The following ABCA7 variants were observed in gnomAD, a reference collection of about 807,000 sequenced individuals.
The protein encoded by ABCA7 is ATP binding cassette subfamily A member 7.
Under a neutral mutation model 227.6 loss-of-function variants are expected in ABCA7, and 261 were observed. The observed-to-expected ratio is 1.15, with a 90% confidence interval of 1.04 to 1.27. The LOEUF (loss-of-function observed/expected upper bound fraction) is 1.27, where lower values mean the gene tolerates loss of function less well. Ranked by LOEUF, ABCA7 falls within the 50% of genes most tolerant of loss-of-function variation. The pLI is 0.00. For missense variants in ABCA7, 3,331 were observed against 2,924.5 expected (o/e 1.14, Z -3.21); for synonymous variants, 1,488 against 1,279.7 (o/e 1.16, Z -3.47).
At position 1,049,474 on chromosome 19, in the gene ABCA7, CACTCCCACCCCGTGAGCCCCCCCA is replaced by C. The variant is rs1568306483; in HGVS notation, c.2552+38_2552+61del. On this transcript the variant is annotated intron_variant, in intron 18 of 46. Coordinates refer to ENST00000263094, the MANE Select transcript of ABCA7 (RefSeq NM_019112.4). ...ACCACTCCCTCCCCGTGAGCCCCCC[CACTCCCACCCCGTGAGCCCCCCCA>C]CCACTCCCTCCCCGTGAGCCCCCCA... The C allele has an allele frequency of 4.9e-6, 3 of 615,752 alleles. 1 individual carries two copies. Among genetic ancestry groups the C allele is most frequent in the Non-Finnish European group, 6.3e-6 (3 of 473,340 alleles). The allele number at this position is 615,752 out of a possible 1,614,324, so 38.1% of individuals were successfully genotyped here.
chr19:1,050,862 C>G (rs2041547563), intron 18 of ABCA7, 59 bp from the exon 19 acceptor site: 1 of 1,300,162 alleles, frequency 7.7e-7, no homozygotes, highest in Admixed American at 2.9e-5. Flanking sequence ...AAAATAGAAG[C>G]TCTGTAACTG....
At chr19:1,046,756 G>GT (rs1751651808) in intron 13 of ABCA7, 46 bp from the exon 14 acceptor site, 1 of 1,509,012 alleles carries the variant, frequency 6.6e-7, no homozygotes, top group Non-Finnish European at 8.9e-7. Context: ...CGGAGGGGGG[G>GT]TCTGCGGAGG....
In ABCA7 at chr19:1,050,820, A is replaced by AT. The variant is rs2041538931; in HGVS notation, c.2553-101_2553-100insT. The AT allele has an allele frequency of 7.1e-6, 5 of 702,176 alleles. No individual in the cohort carries two copies. In the East Asian group the frequency reaches 2.4e-4, roughly 34 times the overall value. The allele number at this position is 702,176 out of a possible 1,614,324, so 43.5% of individuals were successfully genotyped here. ...AATAATAATAATAATAATAATAATA[A>AT]ATAATTAAAAATTTTTTAAAAACAG... On this transcript the variant is annotated intron_variant, in intron 18 of 46. Coordinates refer to ENST00000263094, the MANE Select transcript of ABCA7 (RefSeq NM_019112.4).
chr19:1,062,037 G>A (rs1766379742), intron 41 of ABCA7, 135 bp from the exon 42 acceptor site: 3 of 1,464,150 alleles, frequency 2.0e-6, no homozygotes, highest in South Asian at 1.3e-5. Flanking sequence ...CCTCCCACAC[G>A]CGGACCAGGC....
In ABCA7 at chr19:1,051,936, GCCTAGGTCGCACGCTGATCCTCT is replaced by G. The variant is rs775853474; in HGVS notation, c.2963-3_2982del. 13 of 1,610,482 alleles carry G rather than the reference GCCTAGGTCGCACGCTGATCCTCT, an allele frequency of 8.1e-6. No individual in the cohort carries two copies. The South Asian group carries it at 1.4e-4, about 18-fold the overall frequency. On this transcript the variant is annotated splice_acceptor_variant and splice_polypyrimidine_tract_variant and coding_sequence_variant and intron_variant, in exon 22 of 47. Coordinates refer to ENST00000263094, the MANE Select transcript of ABCA7 (RefSeq NM_019112.4). LOFTEE classifies it high-confidence loss of function. ...TGGTAGTTGTGGGTTGGTCCCCCGT[GCCTAGGTCGCACGCTGATCCTCT>G]CCACCCACCACCTGGATGAGGCAGA... is the stretch of plus-strand genomic sequence containing the variant.
chr19:1,058,338 T>G, intron 37 of ABCA7, 69 bp downstream of exon 37: 1 of 1,577,266 alleles, frequency 6.3e-7, no homozygotes, highest in Non-Finnish European at 8.6e-7. Context: ...TAGAGTTAAT[T>G]ATACAGAGTG....
Position 1,043,185 on chromosome 19 carries a change from G to A in ABCA7, c.724G>A (p.Glu242Lys), listed in dbSNP as rs376474803. The change falls in exon 8 of 47, where the codon GAG becomes AAG. Residue 242 changes from glutamate (E) to lysine (K), a missense_variant. Physicochemically the swap from Glu to Lys is moderately conservative, Grantham distance 56. Transcript: ENST00000263094. The stretch of plus-strand genomic sequence containing the variant: ...AGTGGGCCCCTCCCTCAACTGGTAC[G>A]AGGCTAGTGACCTGATGGAGCTGGT... ...STVGPSLNWY[E>K]ASDLMELVGQ... 16 of 1,610,212 alleles carry A rather than the reference G, an allele frequency of 9.9e-6. No individual in the cohort carries two copies. The highest frequency in any genetic ancestry group is 1.6e-4 in the Middle Eastern group (1 of 6,076).
In ABCA7 at chr19:1,058,746, CAGTT is replaced by C. The variant is rs1168636515; in HGVS notation, c.5279+3_5279+6del. The C allele has an allele frequency of 1.9e-6, 3 of 1,613,768 alleles. No individual in the cohort carries two copies. Among genetic ancestry groups the C allele is most frequent in the Admixed American group, 1.7e-5 (1 of 59,934 alleles). The stretch of plus-strand genomic sequence containing the variant: ...GCAGCACCGAAGCCAACTCCTGCCA[CAGTT>C]AGTGAGGTCTATGGAGAGGGTGGCA... On this transcript the variant is annotated splice_donor_variant and splice_donor_region_variant and coding_sequence_variant and intron_variant, in exon 38 of 47. Transcript: ENST00000263094. LOFTEE classifies it high-confidence loss of function.
rs1192720498 is a variant in ABCA7 at position 1,053,477 on chromosome 19, G to T, written c.3369G>T (p.Arg1123=). 6.3e-7 allele frequency: 1 copy of T among 1,588,722 alleles called. No individual in the cohort carries two copies. ...FATLFRELDT[R]LAELRLTGYG... ...CACTCTTCCGAGAGCTAGACACGCG[G>T]CTGGCGGAGCTGAGGCTCACTGGCT... Residue 1123 remains arginine (R), a synonymous_variant, in exon 24 of 47, where the codon CGG becomes CGT. Coordinates refer to ENST00000263094, the MANE Select transcript of ABCA7 (RefSeq NM_019112.4).
At chr19:1,063,183 C>T (rs866088984) in intron 42 of ABCA7, among the ~76,000 whole-genome samples, 7 of 139,880 alleles carry the variant, frequency 5.0e-5, no homozygotes, top group South Asian at 2.4e-4. Flanking sequence ...ACCATGGCCC[C>T]GCCCCATACT....
At chr19:1,064,607 G>A in intron 45 of ABCA7, 1 of 496,934 alleles carries the variant, frequency 2.0e-6, no homozygotes, top group Non-Finnish European at 3.5e-6. Flanking sequence ...GGTATTTATT[G>A]TGTGGGCGGG....
rs1295629866 is a variant in ABCA7 at position 1,051,563 on chromosome 19, A to AGCTGCT, written c.2943_2948dup (p.Leu982_Leu983dup). ...CCTGCTTCCCGCCGCGGTATTTGGG[A>AGCTGCT]GCTGCTGCTCAAATACCGAGAAGGT... is the stretch of plus-strand genomic sequence containing the variant. On this transcript the variant is annotated inframe_insertion, in exon 21 of 47. Transcript: ENST00000263094. 1 of 1,612,062 alleles carries AGCTGCT rather than the reference A, an allele frequency of 6.2e-7. No individual in the cohort carries two copies. Among genetic ancestry groups the AGCTGCT allele is most frequent in the Admixed American group, 1.7e-5 (1 of 59,950 alleles).
rs771826527 is a variant in ABCA7, at chr19:1,054,814, C to G, written c.3886C>G (p.Leu1296Val). ...DAPGDPGRAR[L>V]LEALLQEAGL... ...CCCAGGGGACCCTGGACGTGCCCGG[C>G]TGCTCGAGGCGCTGCTGCAGGAGGC... The change falls in exon 29 of 47, where the codon CTG (leucine) becomes GTG (valine). Residue 1296 changes from leucine (L) to valine (V), a missense_variant. Leu to Val is a conservative substitution (Grantham distance 32). Coordinates refer to ENST00000263094, the MANE Select transcript of ABCA7 (RefSeq NM_019112.4). This position sits in a 1 kb window ranked among gnomAD's most constrained non-coding sequence, Gnocchi z 4.8. The G allele has an allele frequency of 1.6e-5, 25 of 1,581,046 alleles. No homozygotes were observed. Among genetic ancestry groups the G allele is most frequent in the Non-Finnish European group, 2.1e-5 (24 of 1,164,240 alleles).
At position 1,057,049 on chromosome 19, in the gene ABCA7, A is replaced by G; in HGVS notation, c.4729A>G (p.Thr1577Ala). Residue 1577 changes from threonine to alanine, a missense_variant, in exon 34 of 47, where the codon ACC (threonine) becomes GCC (alanine). Thr to Ala is a moderately conservative substitution (Grantham distance 58, BLOSUM62 0). Transcript: ENST00000263094. Reference protein sequence around the residue: ...HLQLMGGLSPTLYWLGNFLWD... With the variant: ...HLQLMGGLSPALYWLGNFLWD... Reference sequence around the variant, plus strand: ...GCAGCTCATGGGGGGCCTGTCCCCCACCCTCTACTGGCTTGGCAACTTTCT... The same window carrying G: ...GCAGCTCATGGGGGGCCTGTCCCCCGCCCTCTACTGGCTTGGCAACTTTCT... 1 of 1,613,442 alleles carries G rather than the reference A, an allele frequency of 6.2e-7. No individual in the cohort carries two copies. The highest frequency in any genetic ancestry group is 1.3e-5 in the African/African-American group (1 of 74,952).
At chr19:1,047,697 T>G (rs1415452281) in intron 16 of ABCA7, 43 bp downstream of exon 16, 2 of 1,530,396 alleles carry the variant, frequency 1.3e-6, no homozygotes, top group Non-Finnish European at 1.8e-6. Context: ...TCGCACCTGC[T>G]TTGCGGGAGG....
At chr19:1,044,544 A>G (rs1482399912) in intron 10 of ABCA7, 33 bp from the exon 11 acceptor site, 2 of 1,598,246 alleles carry the variant, frequency 1.3e-6, no homozygotes, top group East Asian at 2.2e-5. Context: ...ACTGTGCCCG[A>G]CCCAGACTCT....
chr19:1,060,210 T>TTTTTTC lies in ABCA7; in HGVS notation c.5463+1130_5463+1131insCTTTTT, dbSNP rs2042566225. On this transcript the variant is annotated intron_variant, in intron 40 of 46. Transcript: ENST00000263094. Reference sequence around the variant, plus strand: ...ACACATTGCAGTATATATATATATTTTTTTTTCTTTTTTTTTCTTTTGAGA... The same window carrying TTTTTTC: ...ACACATTGCAGTATATATATATATTTTTTTTCTTTTTTCTTTTTTTTTCTTTTGAGA... Among the ~76,000 whole-genome samples the TTTTTTC allele has an allele frequency of 3.4e-5, 5 of 146,352 alleles. 1 individual carries two copies. The highest frequency in any genetic ancestry group is 1.3e-4 in the African/African-American group (5 of 37,292).
intron 30 of ABCA7, 28 bp from the exon 31 acceptor site, chr19:1,055,879 C>T: frequency 6.4e-7 from 1 of 1,564,030 alleles, no homozygotes. Flanking sequence ...TCCCTGTCTG[C>T]CTGTGTCTCT....
chr19:1,060,668 C>T (rs1418276860), intron 40 of ABCA7, among the ~76,000 whole-genome samples: 1 of 151,852 alleles, frequency 6.6e-6, no homozygotes, highest in East Asian at 1.9e-4. Context: ...TACAGGCGCC[C>T]GCCACCACAA....
Sources: gnomAD v4.1 joint callset for allele counts (sites outside exome capture counted in the v4.1 genomes callset) on GRCh38, gnomAD v4.1.1 for gene constraint, Gnocchi (gnomAD v3.1) non-coding constraint, MANE v1.5 for transcripts, NCBI Gene and HGNC (gene_info 2026-07-23, HGNC 2026-07-21) for gene names.